Variants in TRAM1 observed in about 807,000 individuals in gnomAD.
The protein encoded by TRAM1 is translocating chain-associated membrane protein 1.
Under a neutral mutation model 48.7 loss-of-function variants are expected in TRAM1, and 17 were observed. The ratio of observed to expected loss-of-function variants is 0.35; its 90% CI spans 0.24 to 0.52. The LOEUF (loss-of-function observed/expected upper bound fraction) is 0.52, where lower values mean the gene tolerates loss of function less well. Ranked by LOEUF, TRAM1 falls within the 20% of genes least tolerant of loss-of-function variation. TRAM1 has a pLI of 0.94. For synonymous variants in TRAM1, 182 were observed against 154.0 expected (o/e 1.18, Z -1.34); for missense variants, 351 against 441.5 (o/e 0.79, Z 1.84).
chr8:70,589,696 A>C (rs957259665), intron 6 of TRAM1, among the ~76,000 whole-genome samples: 5 of 152,002 alleles, frequency 3.3e-5, no homozygotes, highest in Admixed American at 1.3e-4. Context: ...AAATTAGCCA[A>C]GCATAGTGGT....
chr8:70,583,784 C>T lies in TRAM1; in HGVS notation c.756G>A (p.Leu252=). ...SNEKYQKGFS[L]WAVLFVLGRL... is the part of the protein sequence containing the mutation. ...TTCCCAAAACAAAAAGAACTGCCCA[C>T]AGAGAAAATCTGCAAGAAAAAGGCC... Residue 252 remains leucine (L), a synonymous_variant, in exon 9 of 11, where the codon CTG becomes CTA. Transcript: ENST00000262213. The T allele has an allele frequency of 6.5e-7, 1 of 1,537,044 alleles. No individual in the cohort carries two copies. Among genetic ancestry groups the T allele is most frequent in the Non-Finnish European group, 8.7e-7 (1 of 1,148,896 alleles).
At position 70,573,891 on chromosome 8, in the gene TRAM1, T is replaced by G. The variant is rs937857682; in HGVS notation, c.*1041A>C. 1 of 153,600 alleles carries G rather than the reference T, an allele frequency of 6.5e-6. No individual in the cohort carries two copies. Among genetic ancestry groups the G allele is most frequent in the Non-Finnish European group, 1.5e-5 (1 of 68,764 alleles). The allele number at this position is 153,600 out of a possible 1,614,324, so 9.5% of individuals were successfully genotyped here. A position where few individuals can be genotyped will look rare whatever the true frequency, so the allele number is the denominator to read the frequency against. ...ATATATATTTATCCAAAAATATGTT[T>G]TATACAGATAAATGTTTCTCAATTA... is the stretch of plus-strand genomic sequence containing the variant. On this transcript the variant is annotated 3_prime_UTR_variant, in exon 11 of 11. Transcript: ENST00000262213.
At chr8:70,579,860 G>C (rs1390028895) in intron 10 of TRAM1, among the ~76,000 whole-genome samples, 1 of 151,996 alleles carries the variant, frequency 6.6e-6, no homozygotes, top group Non-Finnish European at 1.5e-5. Flanking sequence ...AAAATGAAAA[G>C]GTATAATATT....
intron 1 of TRAM1, among the ~76,000 whole-genome samples, chr8:70,603,959 C>G (rs564980016): frequency 1.3e-5 from 2 of 152,298 alleles, no homozygotes; most frequent in Admixed American, 6.5e-5. Context: ...TCCAGGCCTC[C>G]TAAGCCTCAC....
intron 9 of TRAM1, 96 bp from the exon 10 acceptor site, chr8:70,583,420 T>C (rs1026128268): frequency 5.7e-6 from 8 of 1,393,664 alleles, no homozygotes; most frequent in African/African-American, 1.5e-5. Context: ...TAATTCCCAC[T>C]CAGTTGAGAA....
chr8:70,578,913 T>C (rs1817016939), intron 10 of TRAM1, among the ~76,000 whole-genome samples: 1 of 152,238 alleles, frequency 6.6e-6, no homozygotes, highest in African/African-American at 2.4e-5. Context: ...CAGTGTTGCT[T>C]TCCACGGTTT....
rs1427918774 is a variant in TRAM1, at chr8:70,598,029, C to T, written c.310-18G>A. 1.3e-6 allele frequency: 2 copies of T among 1,547,372 alleles called. 1 individual carries two copies. The highest frequency in any genetic ancestry group is 2.6e-5 in the South Asian group (2 of 78,110). On this transcript the variant is annotated intron_variant, in intron 3 of 10. Coordinates refer to ENST00000262213, the MANE Select transcript of TRAM1 (RefSeq NM_014294.6). ...TTAATTTTCTAAAAATAAAAACAGCCATTAGTAATTAAGAATAAATTATAA... is the reference window on the plus strand; with the variant it reads ...TTAATTTTCTAAAAATAAAAACAGCTATTAGTAATTAAGAATAAATTATAA...
At chr8:70,591,801 C>T (rs145720661) in intron 6 of TRAM1, among the ~76,000 whole-genome samples, 50 of 152,060 alleles carry the variant, frequency 3.3e-4, no homozygotes, top group African/African-American at 1.0e-3. Context: ...TAAATGTTTG[C>T]GTAAGACACA....
chr8:70,589,404 A>G (rs777980536), intron 6 of TRAM1, among the ~76,000 whole-genome samples: 1 of 152,236 alleles, frequency 6.6e-6, no homozygotes, highest in African/African-American at 2.4e-5. Flanking sequence ...AAGCTCACTT[A>G]GTATTATCAA....
intron 8 of TRAM1, 61 bp downstream of exon 8, chr8:70,586,834 A>G: frequency 7.3e-7 from 1 of 1,369,744 alleles, no homozygotes; most frequent in Non-Finnish European, 1.0e-6. Context: ...GGATCTTGGC[A>G]ATGTTAGGCA....
intron 1 of TRAM1, chr8:70,607,612 T>C (rs1451386259): frequency 1.2e-5 from 6 of 484,216 alleles, no homozygotes; most frequent in Non-Finnish European, 1.6e-5. Context: ...GGGCCGGGCC[T>C]CGGCCTTCCC....
chr8:70,596,248 C>G lies in TRAM1; in HGVS notation c.485+15G>C. On this transcript the variant is annotated intron_variant, in intron 5 of 10. Transcript: ENST00000262213. ...ATGGTCCTTAACAAAGAAAGGGCTG[C>G]TAAAAATGACTTACGTCATCAGGTT... is the stretch of plus-strand genomic sequence containing the variant. The G allele has an allele frequency of 6.4e-7, 1 of 1,559,896 alleles. No homozygotes were observed. Among genetic ancestry groups the G allele is most frequent in the Non-Finnish European group, 8.6e-7 (1 of 1,159,252 alleles).
intron 10 of TRAM1, among the ~76,000 whole-genome samples, chr8:70,576,927 T>C (rs572321199): frequency 2.9e-4 from 44 of 152,296 alleles, no homozygotes; most frequent in African/African-American, 1.0e-3. Flanking sequence ...TGGCGTCTGC[T>C]AGTTTTGGAG....
In TRAM1 at chr8:70,578,202, C is replaced by G. The variant is rs149931090; in HGVS notation, c.1052-3197G>C. 3.2e-4 allele frequency among the ~76,000 whole-genome samples: 49 copies of G among 152,338 alleles called. 1 individual carries two copies. The highest frequency in any genetic ancestry group is 3.4e-3 in the Middle Eastern group (1 of 294). On this transcript the variant is annotated intron_variant, in intron 10 of 10. Transcript: ENST00000262213. ...TGAAGTGACACCCCAAGGGTGACAT[C>G]AGGATCAAGGGATCCTCCCACCTCA... is the stretch of plus-strand genomic sequence containing the variant.
chr8:70,591,747 C>T (rs1364675225), intron 6 of TRAM1, among the ~76,000 whole-genome samples: 1 of 152,096 alleles, frequency 6.6e-6, no homozygotes, highest in African/African-American at 2.4e-5. Context: ...TAAATCTTTA[C>T]AAAGCTCTGC....
intron 6 of TRAM1, chr8:70,587,719 A>G (rs775046953): frequency 2.6e-5 from 4 of 152,382 alleles, no homozygotes; most frequent in Non-Finnish European, 5.9e-5. Flanking sequence ...TTTTCAGCTC[A>G]TGCTTTAGTC....
chr8:70,603,021 G>C (rs938971118), intron 1 of TRAM1, among the ~76,000 whole-genome samples: 1 of 152,032 alleles, frequency 6.6e-6, no homozygotes, highest in African/African-American at 2.4e-5. Flanking sequence ...TGCAGGATAC[G>C]GCCAGTAAAG....
Position 70,596,253 on chromosome 8 carries a change from A to T in TRAM1, c.485+10T>A, listed in dbSNP as rs758191743. On this transcript the variant is annotated intron_variant, in intron 5 of 10. Transcript: ENST00000262213. ...CCTTAACAAAGAAAGGGCTGCTAAA[A>T]ATGACTTACGTCATCAGGTTATGGG... 8 of 1,563,532 alleles carry T rather than the reference A, an allele frequency of 5.1e-6. No homozygotes were observed. The Admixed American group carries it at 1.6e-4, about 32-fold the overall frequency.
chr8:70,583,617 T>C, intron 9 of TRAM1, 33 bp downstream of exon 9: 1 of 1,601,982 alleles, frequency 6.2e-7, no homozygotes. Context: ...TATCTAGCTG[T>C]ATAAAGTGAA....
Sources: allele counts gnomAD v4.1 joint callset (sites outside exome capture counted in the v4.1 genomes callset), GRCh38; gene constraint gnomAD v4.1.1; transcripts MANE v1.5; gene names NCBI Gene and HGNC (gene_info 2026-07-23, HGNC 2026-07-21).